MAGED2: variants seen among roughly 807,000 people sequenced by gnomAD.
MAGED2 encodes the protein MAGE family member D2.
Under a neutral mutation model 41.7 loss-of-function variants are expected in MAGED2, and 6 were observed. The ratio of observed to expected loss-of-function variants is 0.14; its 90% confidence interval spans 0.08 to 0.28. The LOEUF is 0.28. Ranked by LOEUF, MAGED2 falls within the 10% of genes least tolerant of loss-of-function variation. The pLI, the probability that MAGED2 is intolerant of heterozygous loss-of-function variation, is 1.00. For synonymous variants in MAGED2, 146 were observed against 178.2 expected, an observed-to-expected ratio of 0.82 and a Z score of 1.44; for missense variants, 343 against 486.4, an observed-to-expected ratio of 0.71 and a Z score of 2.77.
intron 1 of MAGED2, 121 bp from the exon 2 acceptor site, chrX:54,809,182 T>C: frequency 2.0e-6 from 1 of 502,274 alleles, no homozygotes; most frequent in East Asian, 3.6e-5. Context: ...AACGGAGTCG[T>C]TGGGGGTGGT....
chrX:54,809,322 A>G lies in MAGED2; in HGVS notation c.-10A>G, dbSNP rs372889574. On this transcript the variant is annotated 5_prime_UTR_variant, in exon 2 of 13. Coordinates refer to ENST00000375068, the MANE Select transcript of MAGED2 (RefSeq NM_177433.3). ...CTTCAGGCTCAGCTCTTGCCAGGCC[A>G]AATTGAGACATGTCTGACACAAGCG... is the stretch of plus-strand genomic sequence containing the variant. The G allele has an allele frequency of 1.7e-6, 2 of 1,209,350 alleles. No individual in the cohort carries two copies. Among genetic ancestry groups the G allele is most frequent in the African/African-American group, 3.5e-5 (2 of 57,027 alleles).
chrX:54,815,754 A>T, intron 12 of MAGED2, 64 bp downstream of exon 12: 2 of 805,641 alleles, frequency 2.5e-6, no homozygotes, highest in Middle Eastern at 4.4e-4. Context: ...GAGCTGGATG[A>T]TTCTAGGAAG....
chrX:54,811,036 T>C lies in MAGED2; in HGVS notation c.753T>C (p.Arg251=), dbSNP rs757807028. Residue 251 remains arginine, a synonymous_variant, in exon 4 of 13, where the codon CGT becomes CGC. Coordinates refer to ENST00000375068, the MANE Select transcript of MAGED2 (RefSeq NM_177433.3). The part of the protein sequence containing the change: ...ALLSLRSPKA[R]RGKARRRAAK... The stretch of plus-strand genomic sequence containing the variant: ...TCTCCCTGAGATCACCTAAAGCCCG[T>C]AGGGGCAAGGCTCGCCGTAGAGCTG... 2 of 1,201,943 alleles carry C rather than the reference T, an allele frequency of 1.7e-6. No homozygotes were observed. The highest frequency in any genetic ancestry group is 1.8e-5 in the South Asian group (1 of 55,589).
In MAGED2 at chrX:54,810,817, G is replaced by A. The variant is rs1471525524; in HGVS notation, c.538-4G>A. The A allele has an allele frequency of 1.7e-6, 2 of 1,153,494 alleles. No homozygotes were observed. The highest frequency in any genetic ancestry group is 3.0e-5 in the East Asian group (1 of 33,176). ...GACGTTGAGCTTCCTCTCTGTTGAT[G>A]CAGGTGAAGCATCTGGATGGGGAAG... On this transcript the variant is annotated splice_polypyrimidine_tract_variant and splice_region_variant and intron_variant, in intron 3 of 12. Coordinates refer to ENST00000375068, the MANE Select transcript of MAGED2 (RefSeq NM_177433.3).
chrX:54,809,492 C>A, intron 2 of MAGED2, 116 bp downstream of exon 2: 1 of 898,571 alleles, frequency 1.1e-6, no homozygotes, highest in Non-Finnish European at 1.6e-6. Flanking sequence ...TACTTTCCTG[C>A]CTGGGTGTCC....
chrX:54,813,287 G>A, intron 9 of MAGED2, 127 bp downstream of exon 9: 2 of 1,064,989 alleles, frequency 1.9e-6, no homozygotes, highest in Non-Finnish European at 2.6e-6. Context: ...AGAGGGCCCA[G>A]GGTTCTGACC....
At chrX:54,814,808 A>G (rs2147636697) in intron 11 of MAGED2, 33 bp downstream of exon 11, 6 of 1,093,772 alleles carry the variant, frequency 5.5e-6, no homozygotes, top group Non-Finnish European at 7.6e-6. Flanking sequence ...TTGGCAAGTC[A>G]AGAGCATGGG....
At chrX:54,814,596 C>T (rs925200619) in intron 10 of MAGED2, 65 bp from the exon 11 acceptor site, 4 of 675,491 alleles carry the variant, frequency 5.9e-6, no homozygotes, top group East Asian at 6.4e-5. Flanking sequence ...GGAGCCTGTC[C>T]AGTCTATGCA....
chrX:54,808,623 T>TGTAATAGGGAAGGGGC (rs1327888489), intron 1 of MAGED2, among the ~76,000 whole-genome samples: 1 of 94,588 alleles, frequency 1.1e-5, no homozygotes, highest in African/African-American at 4.0e-5. Context: ...GAGGAGGGGG[T>TGTAATAGGGAAGGGGC]GTAATAGGGA....
intron 11 of MAGED2, 103 bp downstream of exon 11, chrX:54,814,878 T>C: frequency 1.8e-6 from 1 of 567,632 alleles, no homozygotes; most frequent in Admixed American, 3.0e-5. Context: ...CTGAATGTTT[T>C]GGTGCTTCTG....
intron 5 of MAGED2, 21 bp from the exon 6 acceptor site, chrX:54,811,553 C>T (rs376806183): frequency 1.7e-5 from 20 of 1,170,587 alleles, no homozygotes; most frequent in Middle Eastern, 2.3e-4. Context: ...GTCAGGTGCT[C>T]ACAACACTCT....
rs181676712 is a variant in MAGED2 at position 54,809,016 on chromosome X, C to A, written c.-29-287C>A. Reference sequence around the variant, plus strand: ...GGGCTGAGAGCGGCCCTGCAGCCGACGCGCATGCGCTCTATCGACCTGCGG... The same window carrying A: ...GGGCTGAGAGCGGCCCTGCAGCCGAAGCGCATGCGCTCTATCGACCTGCGG... On this transcript the variant is annotated intron_variant, in intron 1 of 12. Coordinates refer to ENST00000375068, the MANE Select transcript of MAGED2 (RefSeq NM_177433.3). 16 of 345,212 alleles carry A rather than the reference C, an allele frequency of 4.6e-5. No individual in the cohort carries two copies. In the South Asian group the frequency reaches 6.5e-4, roughly 14 times the overall value. The allele number at this position is 345,212 out of a possible 1,213,427, so 28.4% of individuals were successfully genotyped here.
rs748599641 is a variant in MAGED2 at position 54,814,513 on chromosome X, T to G, written c.1272-148T>G. On this transcript the variant is annotated intron_variant, in intron 10 of 12. Coordinates refer to ENST00000375068, the MANE Select transcript of MAGED2 (RefSeq NM_177433.3). ...TCCCCCAACACCTCTATGTGGCTTC[T>G]GGGCAAGACCAGTGGGACAGGGCTC... is the stretch of plus-strand genomic sequence containing the variant. 2.5e-5 allele frequency: 14 copies of G among 556,039 alleles called. No individual in the cohort carries two copies. In the Admixed American group the frequency reaches 2.9e-4, roughly 12 times the overall value. 45.8% of individuals were successfully genotyped at this position (556,039 alleles called of 1,213,427 possible).
chrX:54,815,184 A>G (rs1929923654), intron 11 of MAGED2, 64 bp from the exon 12 acceptor site: 1 of 1,121,791 alleles, frequency 8.9e-7, no homozygotes, highest in African/African-American at 1.8e-5. Context: ...TTTACATAGT[A>G]ATACTGTATT....
intron 1 of MAGED2, 105 bp from the exon 2 acceptor site, chrX:54,809,198 G>A (rs1929719774): frequency 3.6e-6 from 2 of 549,640 alleles, no homozygotes; most frequent in African/African-American, 4.5e-5. Flanking sequence ...GTGGTGGAGG[G>A]GGTTGGAATT....
chrX:54,813,218 G>A, intron 9 of MAGED2, 58 bp downstream of exon 9: 4 of 1,205,912 alleles, frequency 3.3e-6, no homozygotes, highest in South Asian at 1.8e-5. Context: ...AAGAGAGGAC[G>A]GTCCTAGGAT....
At chrX:54,808,264 T>G in intron 1 of MAGED2, 1 of 76,923 alleles carries the variant, frequency 1.3e-5, no homozygotes, top group Non-Finnish European at 2.4e-5. Flanking sequence ...GAGGGGGGCA[T>G]AAGGAATGAG....
Position 54,815,294 on chromosome X carries a change from C to T in MAGED2, c.1433C>T (p.Ala478Val), listed in dbSNP as rs1259510362. The T allele has an allele frequency of 8.6e-7, 1 of 1,168,730 alleles. No individual in the cohort carries two copies. Among genetic ancestry groups the T allele is most frequent in the Non-Finnish European group, 1.1e-6 (1 of 875,996 alleles). Residue 478 changes from alanine to valine, a missense_variant, in exon 12 of 13, where the codon GCG (alanine) becomes GTG (valine). By Grantham distance (64) the Ala-to-Val change is moderately conservative. Transcript: ENST00000375068. ...PKEWAAQYRE[A>V]MEADLKAAAE... Reference sequence around the variant, plus strand: ...GAATGGGCAGCTCAGTACCGAGAGGCGATGGAAGCGGATTTGAAGGCTGCA... The same window carrying T: ...GAATGGGCAGCTCAGTACCGAGAGGTGATGGAAGCGGATTTGAAGGCTGCA...
chrX:54,814,012 T>G (rs1231977412), intron 10 of MAGED2, among the ~76,000 whole-genome samples: 1 of 112,346 alleles, frequency 8.9e-6, no homozygotes, highest in Non-Finnish European at 1.9e-5. Context: ...GGGAGTTGAC[T>G]TGTACATCTC....
Sources: gnomAD v4.1 joint callset for allele counts (sites outside exome capture counted in the v4.1 genomes callset) on GRCh38, gnomAD v4.1.1 for gene constraint, MANE v1.5 for transcripts, NCBI Gene and HGNC (gene_info 2026-07-23, HGNC 2026-07-21) for gene names.